The following TCF7L1 variants were observed in gnomAD, a reference collection of about 807,000 sequenced individuals.
TCF7L1 encodes the protein transcription factor 7 like 1.
Under a neutral mutation model 63.7 loss-of-function variants are expected in TCF7L1, and 18 were observed. The ratio of observed to expected loss-of-function variants is 0.28; its 90% confidence interval spans 0.20 to 0.42. The LOEUF (loss-of-function observed/expected upper bound fraction) is 0.42, where lower values mean the gene tolerates loss of function less well. Ranked by LOEUF, TCF7L1 falls within the 10% of genes least tolerant of loss-of-function variation. The pLI, the probability that TCF7L1 is intolerant of heterozygous loss-of-function variation, is 1.00. For synonymous variants in TCF7L1, 355 were observed against 340.9 expected, an observed-to-expected ratio of 1.04 and a Z score of -0.46; for missense variants, 654 against 779.3, an observed-to-expected ratio of 0.84 and a Z score of 1.91.
chr2:85,211,817 T>TGGTA (rs1226679476), intron 3 of TCF7L1, among the ~76,000 whole-genome samples: 1 of 152,138 alleles, frequency 6.6e-6, no homozygotes, highest in Non-Finnish European at 1.5e-5. Context: ...CGGCCAGGAA[T>TGGTA]GGTAGCTCAT....
At chr2:85,135,838 T>C (rs1247143346) in intron 3 of TCF7L1, among the ~76,000 whole-genome samples, 1 of 151,238 alleles carries the variant, frequency 6.6e-6, no homozygotes, top group Non-Finnish European at 1.5e-5. Flanking sequence ...CAGGAAGTCC[T>C]GAATGTAAGT....
At chr2:85,297,878 C>T (rs1465547062) in intron 4 of TCF7L1, among the ~76,000 whole-genome samples, 1 of 151,998 alleles carries the variant, frequency 6.6e-6, no homozygotes, top group Non-Finnish European at 1.5e-5. Flanking sequence ...TTCTTTTCTA[C>T]TTTCTCTTAG....
chr2:85,263,559 C>T (rs1456568742), intron 3 of TCF7L1, among the ~76,000 whole-genome samples: 1 of 152,144 alleles, frequency 6.6e-6, no homozygotes, highest in Non-Finnish European at 1.5e-5. Flanking sequence ...TCAGGGTGAC[C>T]GCATGTCCTG....
intron 3 of TCF7L1, among the ~76,000 whole-genome samples, chr2:85,201,029 T>G (rs1296164093): frequency 6.6e-6 from 1 of 152,140 alleles, no homozygotes; most frequent in Non-Finnish European, 1.5e-5. Context: ...GGTGAAACCC[T>G]GTCTCTACTA....
At position 85,241,443 on chromosome 2, in the gene TCF7L1, T is replaced by G. The variant is rs574406419; in HGVS notation, c.442-42052T>G. Among the ~76,000 whole-genome samples the G allele has an allele frequency of 3.2e-3, 396 of 124,200 alleles. 1 individual carries two copies. Among genetic ancestry groups the G allele is most frequent in the Middle Eastern group, 8.3e-3 (2 of 240 alleles). 81.5% of individuals were successfully genotyped at this position (124,200 alleles called of 152,430 possible). ...CTGGATGCACTTTGTTTTTGTTTTT[T>G]TTTTTTTTTTTTTTTTTTTTTTGAG... On this transcript the variant is annotated intron_variant, in intron 3 of 11. Coordinates refer to ENST00000282111, the MANE Select transcript of TCF7L1 (RefSeq NM_031283.3).
intron 3 of TCF7L1, among the ~76,000 whole-genome samples, chr2:85,275,544 C>T (rs1265189983): frequency 6.6e-6 from 1 of 152,168 alleles, no homozygotes; most frequent in East Asian, 1.9e-4. Flanking sequence ...CCCTCTGCTA[C>T]CAGTGCATGG....
At chr2:85,221,053 G>T (rs1038219245) in intron 3 of TCF7L1, among the ~76,000 whole-genome samples, 1 of 152,182 alleles carries the variant, frequency 6.6e-6, no homozygotes, top group Non-Finnish European at 1.5e-5. Context: ...ACGCACTCAG[G>T]TACTAGGGCT....
intron 3 of TCF7L1, among the ~76,000 whole-genome samples, chr2:85,214,032 C>T (rs757721349): frequency 6.6e-6 from 1 of 152,170 alleles, no homozygotes; most frequent in Admixed American, 6.5e-5. Flanking sequence ...CAGCCACCTC[C>T]GGGGCGGTGA....
At chr2:85,279,707 G>T (rs150600289) in intron 3 of TCF7L1, among the ~76,000 whole-genome samples, 1 of 152,046 alleles carries the variant, frequency 6.6e-6, no homozygotes, top group Non-Finnish European at 1.5e-5. Flanking sequence ...AAATAGAAAA[G>T]GGAAAGTCAC....
At chr2:85,156,876 G>A (rs545932643) in intron 3 of TCF7L1, among the ~76,000 whole-genome samples, 4 of 151,858 alleles carry the variant, frequency 2.6e-5, no homozygotes, top group Admixed American at 1.3e-4. Flanking sequence ...AGATATTTTG[G>A]TTAGAAATAT....
intron 3 of TCF7L1, among the ~76,000 whole-genome samples, chr2:85,237,071 G>A (rs1021900752): frequency 6.6e-6 from 1 of 152,164 alleles, no homozygotes; most frequent in Non-Finnish European, 1.5e-5. Flanking sequence ...AGACCTTTCT[G>A]GTTGGGTTTT....
intron 4 of TCF7L1, among the ~76,000 whole-genome samples, chr2:85,286,367 CA>C (rs375881383): frequency 0.13 from 18,312 of 142,944 alleles, 2,078 homozygotes; most frequent in African/African-American, 0.32. Flanking sequence ...AAAAAACAAA[CA>C]AACAAAAAAA....
intron 3 of TCF7L1, among the ~76,000 whole-genome samples, chr2:85,191,757 A>G (rs1229561025): frequency 1.3e-5 from 2 of 151,736 alleles, no homozygotes. Flanking sequence ...GCTGGAAGGC[A>G]GAGGTTGCAG....
intron 3 of TCF7L1, among the ~76,000 whole-genome samples, chr2:85,185,692 T>C (rs1438792307): frequency 1.3e-5 from 2 of 152,088 alleles, no homozygotes; most frequent in African/African-American, 2.4e-5. Flanking sequence ...CACACCACAC[T>C]CTGCTGAGGT....
chr2:85,200,523 A>T (rs993982596), intron 3 of TCF7L1, among the ~76,000 whole-genome samples: 4 of 152,172 alleles, frequency 2.6e-5, no homozygotes, highest in Non-Finnish European at 5.9e-5. Context: ...CTACAAGAGG[A>T]ATTGTTTGTC....
chr2:85,224,982 T>G (rs141493184), intron 3 of TCF7L1, among the ~76,000 whole-genome samples: 43 of 152,352 alleles, frequency 2.8e-4, no homozygotes, highest in African/African-American at 1.0e-3. Flanking sequence ...GGATCCAGTT[T>G]TAGCTTTCTA....
intron 3 of TCF7L1, among the ~76,000 whole-genome samples, chr2:85,232,295 C>T (rs375637405): frequency 2.6e-5 from 4 of 152,244 alleles, no homozygotes; most frequent in East Asian, 1.9e-4. Context: ...GATGCTCAGC[C>T]CGGTCAAGCG....
At chr2:85,215,554 G>A (rs1314129334) in intron 3 of TCF7L1, among the ~76,000 whole-genome samples, 1 of 152,246 alleles carries the variant, frequency 6.6e-6, no homozygotes, top group Non-Finnish European at 1.5e-5. Flanking sequence ...TTGGCCAACA[G>A]TGTACCCACG....
At chr2:85,275,140 G>A (rs1257935682) in intron 3 of TCF7L1, among the ~76,000 whole-genome samples, 1 of 152,184 alleles carries the variant, frequency 6.6e-6, no homozygotes, top group African/African-American at 2.4e-5. Flanking sequence ...ACAAACAGCT[G>A]AATTTGATTT....
Sources: allele counts gnomAD v4.1 joint callset (sites outside exome capture counted in the v4.1 genomes callset), GRCh38; gene constraint gnomAD v4.1.1; transcripts MANE v1.5; gene names NCBI Gene and HGNC (gene_info 2026-07-23, HGNC 2026-07-21).